Variants in ICA1L observed in about 807,000 individuals in gnomAD.
The protein encoded by ICA1L is islet cell autoantigen 1-like protein.
Under a neutral mutation model 61.3 loss-of-function variants are expected in ICA1L, and 50 were observed. That is an observed-to-expected ratio of 0.82 (90% CI 0.65 to 1.03). ICA1L has a LOEUF of 1.03. Among genes scored for constraint, ICA1L ranks in the 50% least tolerant of loss-of-function variants. ICA1L has a pLI of 0.00. For synonymous variants in ICA1L, 161 were observed against 191.3 expected, an observed-to-expected ratio of 0.84 and a Z score of 1.31; for missense variants, 508 against 556.7, an observed-to-expected ratio of 0.91 and a Z score of 0.88.
chr2:202,860,167 G>T (rs76832174), intron 1 of ICA1L: 9,379 of 151,646 alleles, frequency 0.062, 374 homozygotes, highest in East Asian at 0.09. Flanking sequence ...AGCTACTCAG[G>T]AGGCTGATGG....
In ICA1L at chr2:202,818,804, A is replaced by G. The variant is rs150389688; in HGVS notation, c.558+897T>C. Among the ~76,000 whole-genome samples the G allele has an allele frequency of 5.3e-4, 80 of 152,302 alleles. 1 individual carries two copies. In the East Asian group the frequency reaches 0.015, roughly 29 times the overall value. On this transcript the variant is annotated intron_variant, in intron 5 of 12. Coordinates refer to ENST00000358299, the MANE Select transcript of ICA1L (RefSeq NM_001288622.3). ...AACTGTAAGTCTATTAAATCTCTTT[A>G]TCTTCCCAGTCTTGGGTATGTCTTT...
chr2:202,819,474 C>T, intron 5 of ICA1L: 1 of 502,692 alleles, frequency 2.0e-6, no homozygotes, highest in East Asian at 3.5e-5. Context: ...TATCATGAGA[C>T]AGATTAAAAA....
chr2:202,812,604 A>G lies in ICA1L; in HGVS notation c.867-815T>C, dbSNP rs1386278259. Among the ~76,000 whole-genome samples, 3 of 152,104 alleles carry G rather than the reference A, an allele frequency of 2.0e-5. No homozygotes were observed. The East Asian group carries it at 5.8e-4, about 29-fold the overall frequency. ...ACAAAAAAAAAAAGAAATTGAACACAGACATAGTCACTACACCTGGGGCAT... is the reference window on the plus strand; with the variant it reads ...ACAAAAAAAAAAAGAAATTGAACACGGACATAGTCACTACACCTGGGGCAT... On this transcript the variant is annotated intron_variant, in intron 8 of 12. Transcript: ENST00000358299.
At chr2:202,853,504 A>G (rs1300264516) in intron 1 of ICA1L, among the ~76,000 whole-genome samples, 2 of 152,232 alleles carry the variant, frequency 1.3e-5, no homozygotes, top group African/African-American at 4.8e-5. Flanking sequence ...CAAAATTGAC[A>G]AATGGGATCT....
Position 202,817,550 on chromosome 2 carries a change from T to C in ICA1L, c.559-7A>G. On this transcript the variant is annotated splice_region_variant and splice_polypyrimidine_tract_variant and intron_variant, in intron 5 of 12. Transcript: ENST00000358299. ...TTCTCACTTGCATCTGTACCTGCAA[T>C]AAAAATGCTAATTTTTATTACAGAT... The C allele has an allele frequency of 6.3e-7, 1 of 1,583,326 alleles. No homozygotes were observed. Among genetic ancestry groups the C allele is most frequent in the Non-Finnish European group, 8.6e-7 (1 of 1,157,472 alleles).
At chr2:202,835,214 C>T in intron 1 of ICA1L, among the ~76,000 whole-genome samples, 1 of 127,180 alleles carries the variant, frequency 7.9e-6, no homozygotes. Context: ...TTGATTTCTT[C>T]CTTTTTTTTT....
chr2:202,859,486 G>A (rs1364398643), intron 1 of ICA1L, among the ~76,000 whole-genome samples: 1 of 152,164 alleles, frequency 6.6e-6, no homozygotes, highest in African/African-American at 2.4e-5. Flanking sequence ...TGGGTGCTAT[G>A]ATTGGCACTG....
intron 9 of ICA1L, among the ~76,000 whole-genome samples, chr2:202,806,106 T>TCCAG (rs1187142018): frequency 6.6e-6 from 1 of 151,952 alleles, no homozygotes; most frequent in South Asian, 2.1e-4. Flanking sequence ...AGCCGAAAGC[T>TCCAG]CCAGCCAGCC....
chr2:202,807,412 G>T (rs1399148138), intron 9 of ICA1L, among the ~76,000 whole-genome samples: 1 of 152,188 alleles, frequency 6.6e-6, no homozygotes, highest in Admixed American at 6.5e-5. Context: ...CACAGAGGGG[G>T]CAGTTAGACC....
At chr2:202,838,038 A>G (rs1157969174) in intron 1 of ICA1L, among the ~76,000 whole-genome samples, 2 of 151,768 alleles carry the variant, frequency 1.3e-5, no homozygotes, top group Non-Finnish European at 2.9e-5. Flanking sequence ...TATTTTTAGT[A>G]AGGCGGGGTT....
intron 9 of ICA1L, among the ~76,000 whole-genome samples, chr2:202,797,208 CTATTA>C (rs1692960093): frequency 6.6e-6 from 1 of 150,792 alleles, no homozygotes; most frequent in African/African-American, 2.4e-5. Context: ...TTCAGGTACT[CTATTA>C]AGTCTCTGTC....
chr2:202,809,287 A>G (rs1461453436), intron 9 of ICA1L, among the ~76,000 whole-genome samples: 1 of 151,880 alleles, frequency 6.6e-6, no homozygotes, highest in Non-Finnish European at 1.5e-5. Context: ...AGGAGTATTG[A>G]TCAAGCAGAA....
chr2:202,793,495 A>T (rs372256478), intron 10 of ICA1L, among the ~76,000 whole-genome samples: 920 of 12,182 alleles, frequency 0.076, 21 homozygotes, highest in Non-Finnish European at 0.11. Context: ...CGTCTCTACT[A>T]AAAAAAAAAA....
intron 11 of ICA1L, chr2:202,786,692 C>A (rs758441258): frequency 6.6e-6 from 3 of 454,480 alleles, no homozygotes; most frequent in African/African-American, 2.0e-5. Context: ...ACTCAGTGAT[C>A]CCATTCCTAG....
intron 12 of ICA1L, among the ~76,000 whole-genome samples, chr2:202,783,497 G>GA (rs1692476967): frequency 1.3e-5 from 2 of 152,036 alleles, no homozygotes; most frequent in Admixed American, 1.3e-4. Context: ...GTCTAATTAT[G>GA]AAAAAACATT....
chr2:202,783,718 A>G (rs1055635746), intron 12 of ICA1L, among the ~76,000 whole-genome samples: 2 of 152,224 alleles, frequency 1.3e-5, no homozygotes, highest in African/African-American at 4.8e-5. Flanking sequence ...CAAACTCTGA[A>G]TAAGATCTAC....
In ICA1L at chr2:202,841,382, C is replaced by A. The variant is rs1029229704; in HGVS notation, c.-7-12366G>T. On this transcript the variant is annotated intron_variant, in intron 1 of 12. Transcript: ENST00000358299. Reference sequence around the variant, plus strand: ...TCTCGAACATGTTGTCCGTGTTGCTCTAAGCCATCTTCTGCTGCTGCAGGA... The same window carrying A: ...TCTCGAACATGTTGTCCGTGTTGCTATAAGCCATCTTCTGCTGCTGCAGGA... The A allele has an allele frequency of 1.3e-4, 130 of 977,932 alleles. 1 individual carries two copies. The highest frequency in any genetic ancestry group is 2.0e-4 in the Non-Finnish European group (121 of 613,158). 60.6% of individuals were successfully genotyped at this position (977,932 alleles called of 1,614,324 possible).
intron 1 of ICA1L, chr2:202,841,852 C>A: frequency 3.9e-6 from 1 of 256,736 alleles, no homozygotes. Context: ...GAAGCTGCTT[C>A]TTGGTCTATT....
chr2:202,849,928 G>A lies in ICA1L; in HGVS notation c.-7-20912C>T. Among the ~76,000 whole-genome samples, 1 of 152,128 alleles carries A rather than the reference G, an allele frequency of 6.6e-6. No individual in the cohort carries two copies. The highest frequency in any genetic ancestry group is 1.9e-4 in the East Asian group (1 of 5,176). On this transcript the variant is annotated intron_variant, in intron 1 of 12. Coordinates refer to ENST00000358299, the MANE Select transcript of ICA1L (RefSeq NM_001288622.3). The surrounding 1 kb of genome is among the most constrained non-coding windows in gnomAD (Gnocchi z 4.5). ...GCTGGCATCAGGCTGGTGCCCCTCT[G>A]GAACAAAGCTTTCAGAGGAAGGAAC... is the stretch of plus-strand genomic sequence containing the variant.
Sources: allele counts gnomAD v4.1 joint callset (sites outside exome capture counted in the v4.1 genomes callset), GRCh38; gene constraint gnomAD v4.1.1; non-coding constraint Gnocchi (gnomAD v3.1); transcripts MANE v1.5; gene names NCBI Gene and HGNC (gene_info 2026-07-23, HGNC 2026-07-21).